LCORL: variants seen among roughly 807,000 people sequenced by gnomAD.
LCORL encodes ligand-dependent nuclear receptor corepressor-like protein.
Under a neutral mutation model 141.8 loss-of-function variants are expected in LCORL, and 41 were observed. The ratio of observed to expected loss-of-function variants is 0.29; its 90% CI spans 0.23 to 0.38. LCORL has a LOEUF of 0.38. LCORL is among the 10% of genes least tolerant of loss of function. The probability of loss-of-function intolerance (pLI) is 1.00; values close to 1 mark genes in which losing one functional copy is unlikely to be tolerated. For missense variants in LCORL, 1,759 were observed against 2,035.0 expected, an observed-to-expected ratio of 0.86 and a Z score of 2.61; for synonymous variants, 618 against 694.1, an observed-to-expected ratio of 0.89 and a Z score of 1.72.
In LCORL at chr4:18,021,028, C is replaced by T. The variant is rs1339776195; in HGVS notation, c.154+570G>A. On this transcript the variant is annotated intron_variant, in intron 1 of 7. Coordinates refer to ENST00000635767, the Ensembl canonical transcript of LCORL. The surrounding 1 kb of genome is among the most constrained non-coding windows in gnomAD (Gnocchi z 5.5). ...CCCTCGGACGACGCCCCCGCCGCCCCTCGCCCCCAGCCGGCCCATCAGCGG... is the reference window on the plus strand; with the variant it reads ...CCCTCGGACGACGCCCCCGCCGCCCTTCGCCCCCAGCCGGCCCATCAGCGG... Among the ~76,000 whole-genome samples the T allele has an allele frequency of 1.3e-5, 2 of 152,124 alleles. No individual in the cohort carries two copies. Among genetic ancestry groups the T allele is most frequent in the Non-Finnish European group, 2.9e-5 (2 of 67,992 alleles).
intron 5 of LCORL, among the ~76,000 whole-genome samples, chr4:17,899,157 TAATAG>T (rs1730470058): frequency 6.6e-6 from 1 of 152,222 alleles, no homozygotes; most frequent in Non-Finnish European, 1.5e-5. Flanking sequence ...TTGAAACTCT[TAATAG>T]ATTAGAATCA....
chr4:17,950,520 A>G (rs901335909), intron 4 of LCORL, among the ~76,000 whole-genome samples: 2 of 152,204 alleles, frequency 1.3e-5, no homozygotes, highest in African/African-American at 4.8e-5. Flanking sequence ...AAGAGTTTTC[A>G]TAAGATGATA....
chr4:17,960,195 C>G (rs977795258), intron 4 of LCORL: 5 of 154,270 alleles, frequency 3.2e-5, no homozygotes, highest in African/African-American at 1.2e-4. Context: ...TTTAAAAACT[C>G]TGCAATCTTT....
At chr4:17,848,891 C>T (rs1230183861) in intron 7 of LCORL, among the ~76,000 whole-genome samples, 1 of 152,256 alleles carries the variant, frequency 6.6e-6, no homozygotes, top group African/African-American at 2.4e-5. Flanking sequence ...CCACACCTGG[C>T]TCGGAGGGTC....
chr4:17,938,380 G>A (rs1259258302), intron 4 of LCORL, among the ~76,000 whole-genome samples: 5 of 150,796 alleles, frequency 3.3e-5, no homozygotes, highest in African/African-American at 1.2e-4. Flanking sequence ...AATGATCTTG[G>A]GTGTGTAGTT....
chr4:17,857,851 A>C (rs907988593), intron 7 of LCORL, among the ~76,000 whole-genome samples: 1 of 152,234 alleles, frequency 6.6e-6, no homozygotes, highest in Non-Finnish European at 1.5e-5. Context: ...ACATGAAAGA[A>C]TCAAGATATT....
chr4:17,952,667 G>A (rs765902543), intron 4 of LCORL, among the ~76,000 whole-genome samples: 1 of 151,974 alleles, frequency 6.6e-6, no homozygotes, highest in Non-Finnish European at 1.5e-5. Flanking sequence ...CGCCCGCCTC[G>A]GCCTCCCAGA....
chr4:17,916,150 C>T (rs550746408), intron 4 of LCORL, among the ~76,000 whole-genome samples: 4 of 152,278 alleles, frequency 2.6e-5, no homozygotes, highest in South Asian at 2.1e-4. Context: ...ACCATGATTG[C>T]GTCCTTGACC....
chr4:17,969,151 A>T (rs1044385916), intron 2 of LCORL, among the ~76,000 whole-genome samples: 2 of 152,220 alleles, frequency 1.3e-5, no homozygotes, highest in African/African-American at 4.8e-5. Context: ...GTCCTATGAC[A>T]CCAGAAGTGC....
chr4:17,855,862 T>A (rs2109115315), intron 7 of LCORL, among the ~76,000 whole-genome samples: 2 of 152,316 alleles, frequency 1.3e-5, no homozygotes, highest in East Asian at 3.9e-4. Flanking sequence ...AGCTAATAAA[T>A]GTTGGGGTAG....
intron 4 of LCORL, among the ~76,000 whole-genome samples, chr4:17,921,731 A>G (rs1734331840): frequency 1.3e-5 from 2 of 152,174 alleles, no homozygotes; most frequent in African/African-American, 4.8e-5. Flanking sequence ...GGTGTTGCAA[A>G]GGAGATTAAC....
chr4:17,909,036 A>G (rs1732093958), intron 5 of LCORL, 58 bp downstream of exon 5: 2 of 1,404,452 alleles, frequency 1.4e-6, no homozygotes, highest in African/African-American at 2.9e-5. Flanking sequence ...AGTTATAAAT[A>G]TACATTTAAC....
At chr4:17,889,639 G>T (rs1431770921) in intron 5 of LCORL, among the ~76,000 whole-genome samples, 1 of 148,300 alleles carries the variant, frequency 6.7e-6, no homozygotes, top group Non-Finnish European at 1.5e-5. Flanking sequence ...TCAAGGGCTG[G>T]AAAAGTCAAA....
exon 8 of LCORL, chr4:17,843,619 A>AG: frequency 2.2e-6 from 1 of 452,388 alleles, no homozygotes; most frequent in Admixed American, 3.6e-5. Flanking sequence ...AAAAGTGTGC[A>AG]TCAGTCAGTC....
intron 5 of LCORL, among the ~76,000 whole-genome samples, chr4:17,896,369 C>T (rs1460981860): frequency 2.6e-5 from 4 of 152,046 alleles, no homozygotes; most frequent in East Asian, 3.9e-4. Flanking sequence ...CTGCAACCTC[C>T]GCCTCCCAGG....
intron 6 of LCORL, chr4:17,882,367 AT>A (rs745823420): frequency 8.4e-5 from 83 of 983,712 alleles, no homozygotes; most frequent in Admixed American, 5.6e-4. Context: ...TATTCTTTAT[AT>A]GAAGGCATAT....
Position 17,884,297 on chromosome 4 carries a change from T to A in LCORL, c.776+1771A>T. 1 of 1,550,080 alleles carries A rather than the reference T, an allele frequency of 6.5e-7. No homozygotes were observed. Among genetic ancestry groups the A allele is most frequent in the Non-Finnish European group, 8.7e-7 (1 of 1,146,214 alleles). On this transcript the variant is annotated intron_variant, in intron 6 of 7. Transcript: ENST00000635767. The surrounding 1 kb of genome is among the most constrained non-coding windows in gnomAD (Gnocchi z 4.4). ...TACTCGTAGCTGAGGAATTTTTAAC[T>A]GTACAGTAGGATTTGAAGTTTCATA...
chr4:17,973,971 T>C (rs1229704040), intron 1 of LCORL, among the ~76,000 whole-genome samples: 1 of 151,940 alleles, frequency 6.6e-6, no homozygotes, highest in African/African-American at 2.4e-5. Context: ...TGTAATGAAA[T>C]AAAATCTTCT....
intron 5 of LCORL, among the ~76,000 whole-genome samples, chr4:17,903,931 T>C (rs1478627886): frequency 1.3e-5 from 2 of 152,038 alleles, no homozygotes; most frequent in East Asian, 3.9e-4. Flanking sequence ...TCTCATATTG[T>C]TGCAGAAAGA....
Sources: allele counts gnomAD v4.1 joint callset (sites outside exome capture counted in the v4.1 genomes callset), GRCh38; gene constraint gnomAD v4.1.1; non-coding constraint Gnocchi (gnomAD v3.1); transcripts MANE v1.5; gene names NCBI Gene and HGNC (gene_info 2026-07-23, HGNC 2026-07-21).